The following GLB1L3 variants were observed in gnomAD, a reference collection of about 807,000 sequenced individuals.
GLB1L3 encodes the protein beta-galactosidase-1-like protein 3.
In GLB1L3, 89 loss-of-function variants were observed where a neutral mutation model predicts 89.5. That is an observed-to-expected ratio of 0.99 (90% CI 0.84 to 1.19). The LOEUF (loss-of-function observed/expected upper bound fraction) is 1.19. GLB1L3 is among the 50% of genes most tolerant of loss of function. The probability of loss-of-function intolerance (pLI) is 0.00; values close to 1 mark genes in which losing one functional copy is unlikely to be tolerated. For missense variants in GLB1L3, 812 were observed against 813.3 expected (o/e 1.00, Z 0.02); for synonymous variants, 314 against 312.3 (o/e 1.01, Z -0.06).
chr11:134,296,791 T>C (rs372386374), intron 9 of GLB1L3, among the ~76,000 whole-genome samples: 2 of 150,564 alleles, frequency 1.3e-5, no homozygotes, highest in East Asian at 3.9e-4. Flanking sequence ...TGTATACATA[T>C]GTAACTAACC....
chr11:134,321,562 A>G (rs1186377367), downstream of GLB1L3, among the ~76,000 whole-genome samples: 1 of 152,178 alleles, frequency 6.6e-6, no homozygotes, highest in Non-Finnish European at 1.5e-5. Flanking sequence ...AATATGGCAC[A>G]TATACTCCAT....
intron 9 of GLB1L3, among the ~76,000 whole-genome samples, chr11:134,296,867 A>AAAAAC (rs1565402717): frequency 1.7e-5 from 2 of 120,524 alleles, no homozygotes; most frequent in African/African-American, 6.3e-5. Context: ...AATAATAAAA[A>AAAAAC]CAAACAAACA....
chr11:134,317,056 A>G (rs553034904), intron 18 of GLB1L3: 3 of 152,316 alleles, frequency 2.0e-5, no homozygotes, highest in Admixed American at 1.3e-4. Flanking sequence ...TCTGGGGGCC[A>G]TGTTGTTGCC....
Position 134,308,458 on chromosome 11 carries a change from C to A in GLB1L3, c.962-1168C>A, listed in dbSNP as rs1419768962. On this transcript the variant is annotated intron_variant, in intron 10 of 19. Transcript: ENST00000431683. ...ACCACCACCACCATCACCACCACCACCACCACCACCACCAAATACCACCAC... is the reference window on the plus strand; with the variant it reads ...ACCACCACCACCATCACCACCACCAACACCACCACCACCAAATACCACCAC... Among the ~76,000 whole-genome samples, 11 of 31,500 alleles carry A rather than the reference C, an allele frequency of 3.5e-4. No individual in the cohort carries two copies. In the South Asian group the frequency reaches 7.0e-3, roughly 20 times the overall value. The allele number at this position is 31,500 out of a possible 152,430, so 20.7% of individuals were successfully genotyped here.
At position 134,283,815 on chromosome 11, in the gene GLB1L3, C is replaced by T. The variant is rs368280586; in HGVS notation, c.606C>T (p.Asp202=). 339 of 1,610,878 alleles carry T rather than the reference C, an allele frequency of 2.1e-4. No homozygotes were observed. The highest frequency in any genetic ancestry group is 2.8e-4 in the Non-Finnish European group (330 of 1,177,770). The change falls in exon 6 of 20, where the codon GAC becomes GAT. Residue 202 remains aspartate (D), a synonymous_variant. Coordinates refer to ENST00000431683, the MANE Select transcript of GLB1L3 (RefSeq NM_001080407.3). ...TTGAAGCAGTTGAGAAGTATTTTGA[C>T]CACCTGATTCCCAGAGTGATTCCTC... is the stretch of plus-strand genomic sequence containing the variant. The part of the protein sequence containing the change: ...SFIEAVEKYF[D]HLIPRVIPLQ...
intron 10 of GLB1L3, among the ~76,000 whole-genome samples, chr11:134,308,479 ACCACCACCATCACCACCAAAT>A (rs1942481612): frequency 8.0e-4 from 5 of 6,268 alleles, no homozygotes; most frequent in Admixed American, 1.8e-3. Flanking sequence ...ACCAAATACC[ACCACCACCATCACCACCAAAT>A]ACCACCACCA....
At chr11:134,308,677 C>CACCACCACCACCACCACCAAT (rs1942566834) in intron 10 of GLB1L3, among the ~76,000 whole-genome samples, 1 of 151,276 alleles carries the variant, frequency 6.6e-6, no homozygotes, top group Admixed American at 6.6e-5. Flanking sequence ...CCACCACCAA[C>CACCACCACCACCACCACCAAT]ACCACCACCA....
intron 9 of GLB1L3, among the ~76,000 whole-genome samples, chr11:134,301,770 A>G (rs560592818): frequency 6.6e-6 from 1 of 152,214 alleles, no homozygotes; most frequent in African/African-American, 2.4e-5. Flanking sequence ...CATGAGTTTT[A>G]TATTTGGTAT....
At chr11:134,317,201 TC>T (rs1164023605) in intron 18 of GLB1L3, 6 of 152,206 alleles carry the variant, frequency 3.9e-5, no homozygotes, top group Non-Finnish European at 8.8e-5. Flanking sequence ...GGCGATGAAC[TC>T]CCTCAGTTTT....
At chr11:134,283,645 A>G in intron 5 of GLB1L3, 92 bp from the exon 6 acceptor site, 1 of 670,628 alleles carries the variant, frequency 1.5e-6, no homozygotes, top group Non-Finnish European at 2.6e-6. Flanking sequence ...GCAGCTGGGC[A>G]GATGTGCGGC....
chr11:134,294,199 T>G (rs923246119), intron 9 of GLB1L3, among the ~76,000 whole-genome samples: 2 of 152,130 alleles, frequency 1.3e-5, no homozygotes, highest in Admixed American at 6.6e-5. Context: ...CCCGGGTAGC[T>G]GTGATTACAG....
Position 134,283,701 on chromosome 11 carries a change from C to T in GLB1L3, c.528-36C>T, listed in dbSNP as rs560037047. 10 of 1,268,862 alleles carry T rather than the reference C, an allele frequency of 7.9e-6. No individual in the cohort carries two copies. The East Asian group carries it at 9.5e-5, about 12-fold the overall frequency. 78.6% of individuals were successfully genotyped at this position (1,268,862 alleles called of 1,614,324 possible). ...CCACTCCTGCTTCCCTCTCCCAACC[C>T]GTCTCAGACCCTGAGCCCGCCCCTC... On this transcript the variant is annotated intron_variant, in intron 5 of 19. Transcript: ENST00000431683.
chr11:134,305,592 C>A (rs10894796), intron 9 of GLB1L3, among the ~76,000 whole-genome samples: 1 of 151,882 alleles, frequency 6.6e-6, no homozygotes, highest in African/African-American at 2.4e-5. Flanking sequence ...TCAGTCTTTC[C>A]TCTTGAATAC....
chr11:134,310,459 T>C (rs1055843322), intron 11 of GLB1L3, 112 bp from the exon 12 acceptor site: 18 of 723,620 alleles, frequency 2.5e-5, no homozygotes, highest in Non-Finnish European at 4.3e-5. Flanking sequence ...GGATGGAAGG[T>C]GTCTTCCTTT....
chr11:134,318,371 C>T (rs1329997164), intron 18 of GLB1L3, among the ~76,000 whole-genome samples: 3 of 152,168 alleles, frequency 2.0e-5, no homozygotes, highest in Admixed American at 2.0e-4. Flanking sequence ...AGTAGAAGAT[C>T]TGCTTTTTAA....
upstream of GLB1L3, chr11:134,276,336 T>C (rs1318433189): frequency 1.6e-5 from 3 of 182,094 alleles, no homozygotes; most frequent in African/African-American, 2.3e-5. Flanking sequence ...GACCGCCCGC[T>C]GTGCCCCGCG....
intron 16 of GLB1L3, among the ~76,000 whole-genome samples, chr11:134,313,727 G>A (rs1942854817): frequency 6.6e-6 from 1 of 152,234 alleles, no homozygotes; most frequent in South Asian, 2.1e-4. Context: ...GGGAATTTCA[G>A]GAAAAGTTCC....
rs371562924 is a variant in GLB1L3, at chr11:134,288,895, G to A, written c.729+5G>A. ...TACATGCCGTATCTCCACAAGGTAA[G>A]AGGGCCTTGGTTTGGCCCCATGTTT... On this transcript the variant is annotated splice_donor_5th_base_variant and intron_variant, in intron 7 of 19. Transcript: ENST00000431683. The A allele has an allele frequency of 5.1e-5, 81 of 1,603,062 alleles. No individual in the cohort carries two copies. In the African/African-American group the frequency reaches 9.9e-4, roughly 20 times the overall value.
chr11:134,311,375 G>A, intron 13 of GLB1L3: 1 of 556,330 alleles, frequency 1.8e-6, no homozygotes, highest in Non-Finnish European at 3.2e-6. Context: ...GGGAGGGGCA[G>A]CAGGACGTCG....
Sources: gnomAD v4.1 joint callset for allele counts (sites outside exome capture counted in the v4.1 genomes callset) on GRCh38, gnomAD v4.1.1 for gene constraint, MANE v1.5 for transcripts, NCBI Gene and HGNC (gene_info 2026-07-23, HGNC 2026-07-21) for gene names.